The following EXD1 variants were observed in gnomAD, a reference collection of about 807,000 sequenced individuals.
EXD1 encodes the protein exonuclease 3'-5' domain containing 1, also known as piRNA biogenesis protein EXD1.
In EXD1, 63 loss-of-function variants were observed where a neutral mutation model predicts 49.1. The ratio of observed to expected loss-of-function variants is 1.28; its 90% CI spans 1.05 to 1.58. EXD1 has a LOEUF of 1.58. Among genes scored for constraint, EXD1 ranks in the 40% most tolerant of loss-of-function variants. The probability of loss-of-function intolerance (pLI) is 0.00; values close to 1 mark genes in which losing one functional copy is unlikely to be tolerated. For synonymous variants in EXD1, 234 were observed against 239.2 expected (o/e 0.98, Z 0.20); for missense variants, 748 against 666.0 (o/e 1.12, Z -1.36).
At chr15:41,204,463 A>T (rs1034580242) in intron 7 of EXD1, among the ~76,000 whole-genome samples, 1 of 152,060 alleles carries the variant, frequency 6.6e-6, no homozygotes, top group African/African-American at 2.4e-5. Flanking sequence ...AGGCAGGAGA[A>T]TCGCTGGAAC....
At chr15:41,226,700 A>G (rs901175238) in intron 1 of EXD1, 72 bp from the exon 2 acceptor site, 17 of 1,168,754 alleles carry the variant, frequency 1.5e-5, no homozygotes, top group East Asian at 7.8e-5. Flanking sequence ...CCCTTTCCCC[A>G]TATCTGTAAT....
At chr15:41,225,513 A>G (rs977817986) in intron 2 of EXD1, among the ~76,000 whole-genome samples, 3 of 150,362 alleles carry the variant, frequency 2.0e-5, no homozygotes, top group Non-Finnish European at 4.4e-5. Flanking sequence ...TGAACCTGGG[A>G]GGCAGAGGTT....
chr15:41,206,714 C>T (rs1293714119), intron 7 of EXD1, among the ~76,000 whole-genome samples: 1 of 147,980 alleles, frequency 6.8e-6, no homozygotes, highest in East Asian at 2.1e-4. Flanking sequence ...CTCCTCCTCC[C>T]AGGTCCAAGT....
chr15:41,190,586 C>A (rs143327357), intron 10 of EXD1, among the ~76,000 whole-genome samples: 2,526 of 152,270 alleles, frequency 0.017, 273 homozygotes, highest in Admixed American at 0.15. Flanking sequence ...CTATTGATAG[C>A]CTTTGAGCAT....
intron 3 of EXD1, chr15:41,219,534 G>C: frequency 3.8e-6 from 1 of 266,526 alleles, no homozygotes; most frequent in Non-Finnish European, 7.0e-6. Flanking sequence ...ATTGTGAATG[G>C]ACTGTGAATT....
Position 41,184,284 on chromosome 15 carries a change from T to C in EXD1, c.1366A>G (p.Thr456Ala), listed in dbSNP as rs1165771708. 4 of 1,614,086 alleles carry C rather than the reference T, an allele frequency of 2.5e-6. No individual in the cohort carries two copies. The highest frequency in any genetic ancestry group is 1.3e-5 in the African/African-American group (1 of 74,932). ...QATNPQHLPP[T>A]EEGETSEDSS... ...TCCTCACTGGTTTCCCCTTCCTCTGTGGGAGGTAGATGTTGAGGATTTGTA... is the reference window on the plus strand; with the variant it reads ...TCCTCACTGGTTTCCCCTTCCTCTGCGGGAGGTAGATGTTGAGGATTTGTA... The change falls in exon 12 of 12, where the codon ACA becomes GCA. Residue 456 changes from threonine to alanine, a missense_variant. Coordinates refer to ENST00000458580, the MANE Select transcript of EXD1 (RefSeq NM_001286441.2).
At chr15:41,190,398 G>A (rs901348471) in intron 10 of EXD1, 13 of 386,654 alleles carry the variant, frequency 3.4e-5, no homozygotes, top group African/African-American at 1.2e-4. Context: ...GCTTAAACCT[G>A]GGAGGCGGAG....
At chr15:41,211,691 G>A (rs778120544) in intron 6 of EXD1, among the ~76,000 whole-genome samples, 1 of 151,486 alleles carries the variant, frequency 6.6e-6, no homozygotes, top group Non-Finnish European at 1.5e-5. Flanking sequence ...TGGGCGCAGT[G>A]GCTCACGCCT....
At chr15:41,230,011 G>A (rs972225092) in intron 1 of EXD1, among the ~76,000 whole-genome samples, 41 of 152,036 alleles carry the variant, frequency 2.7e-4, no homozygotes, top group Admixed American at 2.7e-3. Flanking sequence ...AGGTGTGAAG[G>A]GGTAAGGCAG....
intron 9 of EXD1, among the ~76,000 whole-genome samples, chr15:41,192,496 C>T (rs1160489220): frequency 6.6e-6 from 1 of 150,522 alleles, no homozygotes; most frequent in Non-Finnish European, 1.5e-5. Context: ...AGGGTTTCAC[C>T]ATGTTGGCCA....
chr15:41,222,479 G>A (rs1375996434), intron 2 of EXD1, among the ~76,000 whole-genome samples: 1 of 152,126 alleles, frequency 6.6e-6, no homozygotes, highest in Admixed American at 6.6e-5. Context: ...TCCTTTAGGA[G>A]ATCACTCCAC....
At chr15:41,199,723 T>TATATATCTCATATATATTATATATATC (rs1555414681) in intron 7 of EXD1, among the ~76,000 whole-genome samples, 3 of 36,304 alleles carry the variant, frequency 8.3e-5, no homozygotes, top group East Asian at 1.7e-3. Flanking sequence ...TATGATATAT[T>TATATATCTCATATATATTATATATATC]ATATATGATA....
rs2046889956 is a variant in EXD1 at position 41,209,551 on chromosome 15, C to T, written c.484G>A (p.Ala162Thr). ...HIKKQNVLSV[A>T]AEGANVCRHG... ...CGACATACATTCGCTCCTTCTGCTG[C>T]CACACTCAGGACATTCTGCTTCTTG... The change falls in exon 7 of 12, where the codon GCA (alanine) becomes ACA (threonine). Residue 162 changes from alanine (A) to threonine (T), a missense_variant. Ala to Thr is a moderately conservative substitution (Grantham distance 58). Coordinates refer to ENST00000458580, the MANE Select transcript of EXD1 (RefSeq NM_001286441.2). 3 of 1,614,036 alleles carry T rather than the reference C, an allele frequency of 1.9e-6. No homozygotes were observed. The highest frequency in any genetic ancestry group is 1.3e-5 in the African/African-American group (1 of 74,926).
rs139907523 is a variant in EXD1, at chr15:41,224,280, T to C, written c.133+2163A>G. Among the ~76,000 whole-genome samples the C allele has an allele frequency of 1.3e-4, 20 of 152,274 alleles. No individual in the cohort carries two copies. In the East Asian group the frequency reaches 2.5e-3, roughly 19 times the overall value. ...GAGAACAGGAACCACCTTATTTCTG[T>C]ATGTGTCCGTGGTACCAAGCGTAGT... On this transcript the variant is annotated intron_variant, in intron 2 of 11. Coordinates refer to ENST00000458580, the MANE Select transcript of EXD1 (RefSeq NM_001286441.2).
intron 6 of EXD1, among the ~76,000 whole-genome samples, chr15:41,210,854 T>C (rs995957804): frequency 7.2e-5 from 11 of 152,152 alleles, no homozygotes; most frequent in Admixed American, 5.9e-4. Context: ...CAGAAAGGCA[T>C]AGTAATTTAC....
rs186915423 is a variant in EXD1, at chr15:41,222,763, C to T, written c.134-2865G>A. Among the ~76,000 whole-genome samples the T allele has an allele frequency of 4.4e-3, 631 of 143,506 alleles. 6 individuals are homozygous for T. Among genetic ancestry groups the T allele is most frequent in the African/African-American group, 0.015 (519 of 35,026 alleles). 94.1% of individuals were successfully genotyped at this position (143,506 alleles called of 152,430 possible). The stretch of plus-strand genomic sequence containing the variant: ...ACCATCCTGGCCAACATGGTGAAAC[C>T]CTGTCTCTAATAAAATACAAAAATT... On this transcript the variant is annotated intron_variant, in intron 2 of 11. Coordinates refer to ENST00000458580, the MANE Select transcript of EXD1 (RefSeq NM_001286441.2).
intron 2 of EXD1, among the ~76,000 whole-genome samples, chr15:41,221,718 T>C (rs2047091163): frequency 6.6e-6 from 1 of 152,018 alleles, no homozygotes; most frequent in Admixed American, 6.6e-5. Context: ...TCTCTTTGAA[T>C]GATCATACCC....
intron 11 of EXD1, among the ~76,000 whole-genome samples, chr15:41,188,008 C>A (rs1250616810): frequency 1.5e-5 from 1 of 66,926 alleles, no homozygotes. Flanking sequence ...AGAGCGAAAC[C>A]CCGTCTCAAA....
Position 41,183,959 on chromosome 15 carries a change from C to T in EXD1, c.1691G>A (p.Trp564Ter). The change falls in exon 12 of 12, where the codon TGG (tryptophan) becomes TAG (stop). Residue 564 changes from tryptophan to a stop codon, truncating the protein, a stop_gained. Transcript: ENST00000458580. LOFTEE classifies it high-confidence loss of function. ...PCPALEKIDS[W>*]ISPFLNLP Reference sequence around the variant, plus strand: ...GGGCAGATTTAGAAAAGGACTTATCCAGGAATCGATCTTCTCCAAGGCTGG... The same window carrying T: ...GGGCAGATTTAGAAAAGGACTTATCTAGGAATCGATCTTCTCCAAGGCTGG... 6.2e-7 allele frequency: 1 copy of T among 1,605,112 alleles called. No homozygotes were observed. Among genetic ancestry groups the T allele is most frequent in the Non-Finnish European group, 8.5e-7 (1 of 1,175,528 alleles).
Sources: gnomAD v4.1 joint callset for allele counts (sites outside exome capture counted in the v4.1 genomes callset) on GRCh38, gnomAD v4.1.1 for gene constraint, MANE v1.5 for transcripts, NCBI Gene and HGNC (gene_info 2026-07-23, HGNC 2026-07-21) for gene names.